NRG1: variants seen among roughly 807,000 people sequenced by gnomAD.
The protein encoded by NRG1 is neuregulin 1.
NRG1 carries 18 observed loss-of-function variants against 63.8 expected under a neutral mutation model. The observed-to-expected ratio is 0.28, with a 90% CI of 0.19 to 0.42. The LOEUF (loss-of-function observed/expected upper bound fraction) is 0.42, where lower values mean the gene tolerates loss of function less well. Among genes scored for constraint, NRG1 ranks in the 10% least tolerant of loss-of-function variants. NRG1 has a pLI of 1.00. For synonymous variants in NRG1, 302 were observed against 301.3 expected, an observed-to-expected ratio of 1.00 and a Z score of -0.02; for missense variants, 762 against 814.7, an observed-to-expected ratio of 0.94 and a Z score of 0.79.
intron 5 of NRG1, among the ~76,000 whole-genome samples, chr8:32,696,125 C>T (rs1056592946): frequency 6.6e-6 from 1 of 152,168 alleles, no homozygotes; most frequent in African/African-American, 2.4e-5. Flanking sequence ...GAAGAGAGAG[C>T]TTCATGTCAC....
In NRG1 at chr8:32,383,134, A is replaced by G. The variant is rs113521151; in HGVS notation, c.38-212694A>G. Among the ~76,000 whole-genome samples the G allele has an allele frequency of 2.5e-3, 379 of 151,938 alleles. 3 individuals carry two copies. The highest frequency in any genetic ancestry group is 8.9e-3 in the African/African-American group (368 of 41,426). On this transcript the variant is annotated intron_variant, in intron 1 of 10. Transcript: ENST00000519301. ...ACAGCTACTCAGGAGGCTGAGGTGG[A>G]AGGATTCCTTGAGCCCAGGATTGGA...
chr8:32,452,743 T>C (rs1821123648), intron 1 of NRG1, among the ~76,000 whole-genome samples: 3 of 152,234 alleles, frequency 2.0e-5, no homozygotes, highest in Non-Finnish European at 2.9e-5. Context: ...AAGAATATGG[T>C]ATCTATCTCT....
At chr8:32,647,324 C>T in intron 5 of NRG1, 1 of 985,394 alleles carries the variant, frequency 1.0e-6, no homozygotes, top group South Asian at 4.7e-5. Flanking sequence ...TTCATCTGAG[C>T]AGACACCAGC....
At position 31,770,770 on chromosome 8, in the gene NRG1, CATATATATAT is replaced by C. The variant is rs4036035; in HGVS notation, c.37+131357_37+131366del. Among the ~76,000 whole-genome samples, 681 of 140,488 alleles carry C rather than the reference CATATATATAT, an allele frequency of 4.8e-3. 11 individuals are homozygous for C. Among genetic ancestry groups the C allele is most frequent in the African/African-American group, 0.017 (642 of 38,414 alleles). The allele number at this position is 140,488 out of a possible 152,430, so 92.2% of individuals were successfully genotyped here. A position where few individuals can be genotyped will look rare whatever the true frequency, so the allele number is the denominator to read the frequency against. On this transcript the variant is annotated intron_variant, in intron 1 of 10. Coordinates refer to the NRG1 transcript ENST00000519301. ...ACCCTAGAACTTAAAGTATAATAAA[CATATATATAT>C]ATATATATATATATATACATATATA...
chr8:32,429,437 C>T (rs894132476), intron 1 of NRG1, among the ~76,000 whole-genome samples: 9 of 152,182 alleles, frequency 5.9e-5, no homozygotes, highest in African/African-American at 2.2e-4. Flanking sequence ...GGCTCAGCTT[C>T]TCTTGCCATA....
At chr8:32,250,568 A>G (rs1042155528) in intron 1 of NRG1, among the ~76,000 whole-genome samples, 2 of 152,028 alleles carry the variant, frequency 1.3e-5, no homozygotes, top group Admixed American at 1.3e-4. Context: ...TTTATAGCTT[A>G]TAGTGACTCA....
intron 1 of NRG1, among the ~76,000 whole-genome samples, chr8:32,556,745 T>G (rs1805158588): frequency 6.6e-6 from 1 of 152,188 alleles, no homozygotes; most frequent in African/African-American, 2.4e-5. Flanking sequence ...ATATAGCCAG[T>G]TTTTAAAACT....
intron 1 of NRG1, among the ~76,000 whole-genome samples, chr8:31,797,011 G>GA: frequency 6.6e-6 from 1 of 152,078 alleles, no homozygotes; most frequent in East Asian, 1.9e-4. Flanking sequence ...TATTTTTGGT[G>GA]AAGTTCTGAG....
At chr8:32,189,216 T>A (rs73232263) in intron 1 of NRG1, among the ~76,000 whole-genome samples, 168 of 152,142 alleles carry the variant, frequency 1.1e-3, no homozygotes, top group Non-Finnish European at 2.1e-3. Context: ...TAGGTAGTTT[T>A]CCTGCTTTTG....
intron 1 of NRG1, among the ~76,000 whole-genome samples, chr8:32,298,727 A>AG (rs1563286107): frequency 2.3e-4 from 29 of 124,204 alleles, no homozygotes; most frequent in African/African-American, 8.5e-4. Context: ...AAAAAAAAAA[A>AG]AAAGAAAAGA....
intron 1 of NRG1, among the ~76,000 whole-genome samples, chr8:32,426,424 A>T (rs2129486452): frequency 6.6e-6 from 1 of 152,348 alleles, no homozygotes; most frequent in Admixed American, 6.5e-5. Context: ...TTTCTGACGC[A>T]AAATATTGTG....
intron 1 of NRG1, among the ~76,000 whole-genome samples, chr8:32,477,372 C>T (rs1824659720): frequency 6.6e-6 from 1 of 152,044 alleles, no homozygotes; most frequent in African/African-American, 2.4e-5. Flanking sequence ...ACCAATGAGC[C>T]CTAATGAATG....
intron 1 of NRG1, among the ~76,000 whole-genome samples, chr8:31,873,262 T>C (rs1829640768): frequency 6.6e-6 from 1 of 152,022 alleles, no homozygotes. Flanking sequence ...ATAAAATCAG[T>C]ATTAAAAACA....
intron 1 of NRG1, among the ~76,000 whole-genome samples, chr8:32,446,877 G>A (rs1820311362): frequency 6.6e-6 from 1 of 152,022 alleles, no homozygotes; most frequent in African/African-American, 2.4e-5. Flanking sequence ...TTTAGGGTCA[G>A]GAAGGAAGGT....
chr8:32,760,990 C>G (rs924039727), intron 11 of NRG1: 1 of 985,838 alleles, frequency 1.0e-6, no homozygotes, highest in Non-Finnish European at 1.2e-6. Flanking sequence ...TTGGATGCTG[C>G]GTCTGGCAGT....
intron 1 of NRG1, among the ~76,000 whole-genome samples, chr8:32,162,744 C>T (rs1177409481): frequency 1.3e-5 from 2 of 151,918 alleles, no homozygotes; most frequent in Non-Finnish European, 2.9e-5. Flanking sequence ...TTCATAGTTC[C>T]CCAAATTTGT....
intron 1 of NRG1, among the ~76,000 whole-genome samples, chr8:32,127,282 G>T (rs1209204640): frequency 6.6e-6 from 1 of 151,756 alleles, no homozygotes; most frequent in Non-Finnish European, 1.5e-5. Flanking sequence ...GGAAACAAAG[G>T]GCTTACAGCA....
intron 1 of NRG1, among the ~76,000 whole-genome samples, chr8:31,968,359 G>A (rs1292279203): frequency 6.6e-6 from 1 of 152,190 alleles, no homozygotes; most frequent in African/African-American, 2.4e-5. Context: ...AAAGCAGGGA[G>A]TGCTGACAAG....
intron 1 of NRG1, among the ~76,000 whole-genome samples, chr8:32,382,371 T>C (rs578240593): frequency 1.1e-4 from 16 of 152,288 alleles, no homozygotes; most frequent in East Asian, 9.6e-4. Flanking sequence ...CCAAAATACT[T>C]TGGTGATTTC....
Sources: gnomAD v4.1 joint callset for allele counts (sites outside exome capture counted in the v4.1 genomes callset) on GRCh38, gnomAD v4.1.1 for gene constraint, MANE v1.5 for transcripts, NCBI Gene and HGNC (gene_info 2026-07-23, HGNC 2026-07-21) for gene names.